ZFP91: variants seen among roughly 807,000 people sequenced by gnomAD.
ZFP91 encodes E3 ubiquitin-protein ligase ZFP91.
ZFP91 carries 7 observed loss-of-function variants against 63.5 expected under a neutral mutation model. The observed-to-expected ratio is 0.11, with a 90% CI of 0.06 to 0.21. ZFP91 has a LOEUF of 0.21. Among genes scored for constraint, ZFP91 ranks in the 10% least tolerant of loss-of-function variants. The probability of loss-of-function intolerance (pLI) is 1.00; values close to 1 mark genes in which losing one functional copy is unlikely to be tolerated. For synonymous variants in ZFP91, 330 were observed against 272.1 expected (o/e 1.21, Z -2.10); for missense variants, 628 against 736.6 (o/e 0.85, Z 1.71).
intron 2 of ZFP91, among the ~76,000 whole-genome samples, chr11:58,603,456 A>G (rs577169042): frequency 1.6e-4 from 24 of 152,300 alleles, no homozygotes; most frequent in Non-Finnish European, 2.8e-4. Flanking sequence ...CAGAATAGAC[A>G]TGCAATTTTT....
rs947535100 is a variant in ZFP91, at chr11:58,620,590, A to C, written c.*2884A>C. ...GGCAAACACTGGCCATGGCCGTGGG[A>C]GTACTGGGAGTAAAATAAAAATATC... On this transcript the variant is annotated 3_prime_UTR_variant, in exon 11 of 11. Coordinates refer to ENST00000316059, the MANE Select transcript of ZFP91 (RefSeq NM_053023.5). 1.3e-5 allele frequency: 2 copies of C among 152,640 alleles called. No homozygotes were observed. The highest frequency in any genetic ancestry group is 4.8e-5 in the African/African-American group (2 of 41,448). 9.5% of individuals were successfully genotyped at this position (152,640 alleles called of 1,614,324 possible).
intron 1 of ZFP91, among the ~76,000 whole-genome samples, chr11:58,583,323 T>C (rs181798225): frequency 6.6e-6 from 1 of 152,234 alleles, no homozygotes. Flanking sequence ...ACTGAGTATT[T>C]TTAGATGTCT....
rs1341262381 is a variant in ZFP91 at position 58,618,824 on chromosome 11, T to C, written c.*1118T>C. 2.4e-6 allele frequency: 1 copy of C among 408,458 alleles called. No homozygotes were observed. Among genetic ancestry groups the C allele is most frequent in the Non-Finnish European group, 4.8e-6 (1 of 207,780 alleles). The allele number at this position is 408,458 out of a possible 1,614,324, so 25.3% of individuals were successfully genotyped here. On this transcript the variant is annotated 3_prime_UTR_variant, in exon 11 of 11. Coordinates refer to ENST00000316059, the MANE Select transcript of ZFP91 (RefSeq NM_053023.5). ...AGCCTTTTTAGGGAAGAATGTTAGGTTCATGGTAACTAGTATGCTCTTTGA... is the reference window on the plus strand; with the variant it reads ...AGCCTTTTTAGGGAAGAATGTTAGGCTCATGGTAACTAGTATGCTCTTTGA...
In ZFP91 at chr11:58,620,921, G is replaced by A. The variant is rs1253541787; in HGVS notation, c.*3215G>A. 6.6e-6 allele frequency: 1 copy of A among 152,586 alleles called. No homozygotes were observed. Among genetic ancestry groups the A allele is most frequent in the African/African-American group, 2.4e-5 (1 of 41,422 alleles). 9.5% of individuals were successfully genotyped at this position (152,586 alleles called of 1,614,324 possible). ...CCTGAATATAGGTTGAAAAGGTTAT[G>A]TAAAAAGAAATTATAATAAAAGGGA... On this transcript the variant is annotated 3_prime_UTR_variant, in exon 11 of 11. Transcript: ENST00000316059.
rs182617210 is a variant in ZFP91, at chr11:58,584,913, G to A, written c.370+29G>A. The A allele has an allele frequency of 2.9e-4, 430 of 1,478,508 alleles. 1 individual carries two copies. The highest frequency in any genetic ancestry group is 3.2e-4 in the Non-Finnish European group (360 of 1,117,212). The allele number at this position is 1,478,508 out of a possible 1,614,324, so 91.6% of individuals were successfully genotyped here. A position where few individuals can be genotyped will look rare whatever the true frequency, so the allele number is the denominator to read the frequency against. ...AGACTTGGTCATCCTTACCTCTAGC[G>A]TACATTACACTGATTATCTTTTAAT... On this transcript the variant is annotated intron_variant, in intron 2 of 10. Transcript: ENST00000316059.
chr11:58,612,258 T>C lies in ZFP91; in HGVS notation c.858-20T>C. 6.2e-7 allele frequency: 1 copy of C among 1,613,218 alleles called. No homozygotes were observed. The highest frequency in any genetic ancestry group is 8.5e-7 in the Non-Finnish European group (1 of 1,179,396). On this transcript the variant is annotated intron_variant, in intron 6 of 10. Transcript: ENST00000316059. ...TTTTGATTCAGAATATGTCTACTGT[T>C]ACCCTGTCTTCAATTACAGGAGAGG...
intron 1 of ZFP91, among the ~76,000 whole-genome samples, chr11:58,584,175 G>A (rs770526219): frequency 6.6e-6 from 1 of 152,018 alleles, no homozygotes; most frequent in Non-Finnish European, 1.5e-5. Flanking sequence ...TTTTTAATTT[G>A]TAAAGGGCAA....
chr11:58,579,677 C>G (rs899381555), intron 1 of ZFP91, 55 bp downstream of exon 1: 1 of 1,439,892 alleles, frequency 6.9e-7, no homozygotes, highest in Non-Finnish European at 9.1e-7. Flanking sequence ...CGTACGCAAC[C>G]CTCTCGGCTC....
intron 2 of ZFP91, among the ~76,000 whole-genome samples, chr11:58,591,573 T>G (rs891810986): frequency 6.6e-6 from 1 of 152,178 alleles, no homozygotes; most frequent in Admixed American, 6.5e-5. Flanking sequence ...ATAATGTCCT[T>G]CATGCCTGTT....
chr11:58,593,905 G>T (rs925449002), intron 2 of ZFP91, among the ~76,000 whole-genome samples: 9 of 152,184 alleles, frequency 5.9e-5, no homozygotes, highest in Non-Finnish European at 1.0e-4. Flanking sequence ...GTCCTGTCTC[G>T]TCTGTTTCCT....
intron 2 of ZFP91, among the ~76,000 whole-genome samples, chr11:58,607,932 C>CGGAT (rs1855595252): frequency 6.6e-6 from 1 of 151,914 alleles, no homozygotes; most frequent in African/African-American, 2.4e-5. Context: ...AGTTAACCTC[C>CGGAT]ATGTGGTAGT....
intron 2 of ZFP91, among the ~76,000 whole-genome samples, chr11:58,598,149 C>T (rs1196766644): frequency 2.6e-5 from 4 of 152,130 alleles, no homozygotes; most frequent in Admixed American, 6.5e-5. Flanking sequence ...TTCATTAGTA[C>T]ATCTTTACGT....
intron 8 of ZFP91, among the ~76,000 whole-genome samples, chr11:58,613,152 A>G (rs894551278): frequency 3.3e-5 from 5 of 152,234 alleles, no homozygotes; most frequent in African/African-American, 9.6e-5. Context: ...TGCTGCTATA[A>G]TAGAGTACCT....
chr11:58,584,499 T>G (rs934640032), intron 1 of ZFP91, among the ~76,000 whole-genome samples: 1 of 152,124 alleles, frequency 6.6e-6, no homozygotes, highest in African/African-American at 2.4e-5. Context: ...TCACTTAATG[T>G]AACAAAATTA....
chr11:58,609,722 T>C, intron 2 of ZFP91, 108 bp from the exon 3 acceptor site: 1 of 1,018,862 alleles, frequency 9.8e-7, no homozygotes, highest in Non-Finnish European at 1.4e-6. Context: ...TTTTTTTTCC[T>C]TTGAAAATAT....
In ZFP91 at chr11:58,610,301, T is replaced by G; in HGVS notation, c.584T>G (p.Val195Gly). The G allele has an allele frequency of 1.9e-6, 3 of 1,597,366 alleles. No individual in the cohort carries two copies. Among genetic ancestry groups the G allele is most frequent in the Non-Finnish European group, 2.6e-6 (3 of 1,175,442 alleles). ...EPNTDQLDYD[V>G]GEEHQSPGGI... is the part of the protein sequence containing the mutation. ...GTTTTTGGCTTTGTTTTTCTAGATG[T>G]TGGAGAAGAGCATCAGTCTCCAGGT... Residue 195 changes from valine to glycine, a missense_variant, in exon 4 of 11, where the codon GTT becomes GGT. Coordinates refer to ENST00000316059, the MANE Select transcript of ZFP91 (RefSeq NM_053023.5).
chr11:58,585,685 C>T (rs367666893), intron 2 of ZFP91, among the ~76,000 whole-genome samples: 1 of 152,036 alleles, frequency 6.6e-6, no homozygotes, highest in Non-Finnish European at 1.5e-5. Context: ...TAGCCTGCTA[C>T]TATTTCTATA....
Position 58,584,863 on chromosome 11 carries a change from GA to G in ZFP91, c.354del (p.Val119Ter). On this transcript the variant is annotated frameshift_variant, in exon 2 of 11. Transcript: ENST00000316059. LOFTEE classifies it high-confidence loss of function. ...GKKSPRLLCI[E>X]KVTTDKDPKE... is the part of the protein sequence containing the mutation. ...GATTCTTATTTCTTTCAGATGCATA[GA>G]AAAAGTAACAACTGATAAAGGTAAG... The G allele has an allele frequency of 1.3e-6, 2 of 1,528,672 alleles. No homozygotes were observed. The highest frequency in any genetic ancestry group is 2.4e-5 in the Admixed American group (1 of 42,012). The allele number at this position is 1,528,672 out of a possible 1,614,324, so 94.7% of individuals were successfully genotyped here. A position where few individuals can be genotyped will look rare whatever the true frequency, so the allele number is the denominator to read the frequency against.
rs185936283 is a variant in ZFP91, at chr11:58,618,671, T to A, written c.*965T>A. ...ATGGGATCCCTTCCATAACAGGTACTTTGAAGGCAAGACATAGGGTTGAAG... is the reference window on the plus strand; with the variant it reads ...ATGGGATCCCTTCCATAACAGGTACATTGAAGGCAAGACATAGGGTTGAAG... On this transcript the variant is annotated 3_prime_UTR_variant, in exon 11 of 11. Coordinates refer to ENST00000316059, the MANE Select transcript of ZFP91 (RefSeq NM_053023.5). 3 of 456,918 alleles carry A rather than the reference T, an allele frequency of 6.6e-6. No homozygotes were observed. The East Asian group carries it at 2.1e-4, about 32-fold the overall frequency. The allele number at this position is 456,918 out of a possible 1,614,324, so 28.3% of individuals were successfully genotyped here.
Sources: allele counts gnomAD v4.1 joint callset (sites outside exome capture counted in the v4.1 genomes callset), GRCh38; gene constraint gnomAD v4.1.1; transcripts MANE v1.5; gene names NCBI Gene and HGNC (gene_info 2026-07-23, HGNC 2026-07-21).